PCDHA12: variants seen among roughly 807,000 people sequenced by gnomAD.
PCDHA12 encodes protocadherin alpha 12.
PCDHA12 carries 44 observed loss-of-function variants against 60.0 expected under a neutral mutation model. The observed-to-expected ratio is 0.73, with a 90% CI of 0.58 to 0.94. The LOEUF (loss-of-function observed/expected upper bound fraction) is 0.94. PCDHA12 is among the 40% of genes least tolerant of loss of function. PCDHA12 has a pLI of 0.00. For synonymous variants in PCDHA12, 569 were observed against 553.0 expected, an observed-to-expected ratio of 1.03 and a Z score of -0.40; for missense variants, 1,276 against 1,239.7, an observed-to-expected ratio of 1.03 and a Z score of -0.44.
chr5:140,966,888 C>A, intron 1 of PCDHA12: 13 of 1,593,128 alleles, frequency 8.2e-6, no homozygotes, highest in Non-Finnish European at 1.1e-5. Context: ...GGCCCTGCGG[C>A]CTCCCAGCTG....
chr5:140,897,086 T>TA (rs1430532398), intron 1 of PCDHA12, among the ~76,000 whole-genome samples: 12 of 152,178 alleles, frequency 7.9e-5, no homozygotes, highest in Non-Finnish European at 1.6e-4. Flanking sequence ...TTCTATTTTT[T>TA]ATCCTCATTA....
Position 140,877,346 on chromosome 5 carries a change from G to GGCT in PCDHA12, c.1876_1878dup (p.Leu626dup), listed in dbSNP as rs1217124440. 6.2e-7 allele frequency: 1 copy of GGCT among 1,613,888 alleles called. No homozygotes were observed. Among genetic ancestry groups the GGCT allele is most frequent in the Non-Finnish European group, 8.5e-7 (1 of 1,179,878 alleles). ...GGCGCGCACATCCCGTTCCACGTGG[G>GGCT]GCTGTACACTGGCGAGATCAGCACG... On this transcript the variant is annotated inframe_insertion, in exon 1 of 4. Transcript: ENST00000398631.
At chr5:140,890,822 A>G (rs1044008204) in intron 1 of PCDHA12, among the ~76,000 whole-genome samples, 1 of 152,186 alleles carries the variant, frequency 6.6e-6, no homozygotes, top group Non-Finnish European at 1.5e-5. Context: ...TTTTAAATGT[A>G]CTTACATATT....
chr5:140,999,654 C>A (rs180994815), intron 3 of PCDHA12, among the ~76,000 whole-genome samples: 1 of 152,122 alleles, frequency 6.6e-6, no homozygotes, highest in South Asian at 2.1e-4. Flanking sequence ...AGCCTGAGCC[C>A]TGCTGGGTTG....
intron 1 of PCDHA12, among the ~76,000 whole-genome samples, chr5:140,895,055 A>G (rs1313066261): frequency 6.6e-6 from 1 of 152,118 alleles, no homozygotes; most frequent in East Asian, 1.9e-4. Context: ...ATTCTGCTTC[A>G]TATGGACTCA....
intron 3 of PCDHA12, among the ~76,000 whole-genome samples, chr5:140,998,062 C>T (rs2097795439): frequency 6.6e-6 from 1 of 152,176 alleles, no homozygotes; most frequent in African/African-American, 2.4e-5. Flanking sequence ...TCATCATCAA[C>T]AGACTTAGCC....
intron 1 of PCDHA12, chr5:140,927,928 T>C: frequency 6.2e-7 from 1 of 1,614,214 alleles, no homozygotes; most frequent in Non-Finnish European, 8.5e-7. Context: ...CCTGACTCTT[T>C]CGAACCCAGT....
Position 141,009,850 on chromosome 5 carries a change from C to CAAGAAAAAG in PCDHA12, c.2754_2762dup (p.Lys919_Lys921dup). ...TAACCTTCGGCAAAAAGGAGGAGAC[C>CAAGAAAAAG]AAGAAAAAGAAGAAAAAGAAGAAGG... On this transcript the variant is annotated inframe_insertion, in exon 4 of 4. Coordinates refer to ENST00000398631, the MANE Select transcript of PCDHA12 (RefSeq NM_018903.4). The CAAGAAAAAG allele has an allele frequency of 1.2e-6, 2 of 1,613,572 alleles. No individual in the cohort carries two copies. Among genetic ancestry groups the CAAGAAAAAG allele is most frequent in the Non-Finnish European group, 1.7e-6 (2 of 1,179,906 alleles).
chr5:140,913,764 T>C (rs2076457452), intron 1 of PCDHA12, among the ~76,000 whole-genome samples: 1 of 152,162 alleles, frequency 6.6e-6, no homozygotes, highest in Admixed American at 6.5e-5. Flanking sequence ...TCATAGGTTT[T>C]GGCATGTTGT....
chr5:140,883,401 A>C, intron 1 of PCDHA12: 2 of 1,614,108 alleles, frequency 1.2e-6, no homozygotes, highest in Non-Finnish European at 1.7e-6. Flanking sequence ...TCCGATCGTG[A>C]CTCTGGCTCA....
At chr5:140,955,240 G>A (rs2095156409) in intron 1 of PCDHA12, among the ~76,000 whole-genome samples, 1 of 152,102 alleles carries the variant, frequency 6.6e-6, no homozygotes, top group African/African-American at 2.4e-5. Flanking sequence ...TTTTGCTTAG[G>A]ATCGGCTTGG....
At chr5:140,948,897 T>C (rs1487067374) in intron 1 of PCDHA12, among the ~76,000 whole-genome samples, 1 of 151,680 alleles carries the variant, frequency 6.6e-6, no homozygotes. Context: ...AGATTTTAAG[T>C]GGATTCTTAG....
chr5:140,879,469 G>A (rs1438617682), intron 1 of PCDHA12, among the ~76,000 whole-genome samples: 2 of 152,166 alleles, frequency 1.3e-5, no homozygotes, highest in Non-Finnish European at 2.9e-5. Context: ...AGAGAATACC[G>A]TTGTGATTGG....
In PCDHA12 at chr5:140,876,274, G is replaced by C. The variant is rs1554168448; in HGVS notation, c.802G>C (p.Asp268His). ...DTRVIQLNAS[D>H]PDEGLNGEIS... ...AAGAGTGATCCAACTAAATGCTTCC[G>C]ATCCAGACGAAGGACTTAATGGAGA... The change falls in exon 1 of 4, where the codon GAT (aspartate) becomes CAT (histidine). Residue 268 changes from aspartate (D) to histidine (H), a missense_variant. Physicochemically the swap from Asp to His is moderately conservative, Grantham distance 81. Coordinates refer to ENST00000398631, the MANE Select transcript of PCDHA12 (RefSeq NM_018903.4). 8 of 1,613,990 alleles carry C rather than the reference G, an allele frequency of 5.0e-6. No individual in the cohort carries two copies. Among genetic ancestry groups the C allele is most frequent in the Non-Finnish European group, 6.8e-6 (8 of 1,179,884 alleles).
intron 1 of PCDHA12, chr5:140,928,628 T>G: frequency 6.2e-7 from 1 of 1,614,222 alleles, no homozygotes; most frequent in Non-Finnish European, 8.5e-7. Context: ...ACTGGACACT[T>G]GGTCACAAAA....
chr5:140,896,467 G>A (rs191220082), intron 1 of PCDHA12, among the ~76,000 whole-genome samples: 1,607 of 151,540 alleles, frequency 0.011, 16 homozygotes, highest in African/African-American at 0.028. Context: ...GGTTCAAGCG[G>A]TTCTCCTGCC....
intron 1 of PCDHA12, chr5:140,968,325 C>T (rs148804197): frequency 1.2e-6 from 2 of 1,613,988 alleles, no homozygotes; most frequent in African/African-American, 2.7e-5. Context: ...CCAGTCACCT[C>T]CTATGTCTCC....
At chr5:140,882,307 A>C in intron 1 of PCDHA12, 2 of 1,613,900 alleles carry the variant, frequency 1.2e-6, no homozygotes, top group Non-Finnish European at 1.7e-6. Context: ...GACCGCGGCA[A>C]CTACTGCTCT....
chr5:140,966,934 G>C (rs782780798), intron 1 of PCDHA12: 3 of 1,604,080 alleles, frequency 1.9e-6, no homozygotes, highest in Non-Finnish European at 2.5e-6. Flanking sequence ...CACCCGGCGC[G>C]CTCGTGGGCA....
Sources: allele counts gnomAD v4.1 joint callset (sites outside exome capture counted in the v4.1 genomes callset), GRCh38; gene constraint gnomAD v4.1.1; transcripts MANE v1.5; gene names NCBI Gene and HGNC (gene_info 2026-07-23, HGNC 2026-07-21).